TSHZ2: variants seen among roughly 807,000 people sequenced by gnomAD.
TSHZ2 encodes teashirt homolog 2.
Under a neutral mutation model 74.4 loss-of-function variants are expected in TSHZ2, and 21 were observed. The observed-to-expected ratio is 0.28, with a 90% CI of 0.20 to 0.41. The LOEUF is 0.41. Among genes scored for constraint, TSHZ2 ranks in the 10% least tolerant of loss-of-function variants. The probability of loss-of-function intolerance (pLI) is 1.00; values close to 1 mark genes in which losing one functional copy is unlikely to be tolerated. For missense variants in TSHZ2, 1,244 were observed against 1,293.5 expected (o/e 0.96, Z 0.59); for synonymous variants, 540 against 515.3 (o/e 1.05, Z -0.65).
At chr20:53,114,111 A>G (rs1002453120) in intron 1 of TSHZ2, among the ~76,000 whole-genome samples, 12 of 150,770 alleles carry the variant, frequency 8.0e-5, no homozygotes, top group Non-Finnish European at 1.6e-4. Flanking sequence ...AAAAAAAAAA[A>G]GAAAGAAAAA....
chr20:52,997,553 T>C (rs1221962024), intron 1 of TSHZ2, among the ~76,000 whole-genome samples: 3 of 151,116 alleles, frequency 2.0e-5, no homozygotes, highest in African/African-American at 4.9e-5. Flanking sequence ...TATTTTCTTT[T>C]CAGCAAACCT....
At chr20:53,445,472 C>T (rs1984512667) in intron 2 of TSHZ2, among the ~76,000 whole-genome samples, 1 of 152,180 alleles carries the variant, frequency 6.6e-6, no homozygotes, top group African/African-American at 2.4e-5. Flanking sequence ...ACCGGAATGC[C>T]ATACAGTGAG....
At chr20:53,358,460 C>A (rs552463401) in intron 2 of TSHZ2, among the ~76,000 whole-genome samples, 1 of 151,414 alleles carries the variant, frequency 6.6e-6, no homozygotes, top group East Asian at 1.9e-4. Flanking sequence ...CGTGCCTCAG[C>A]CTCCCCAGTA....
intron 1 of TSHZ2, among the ~76,000 whole-genome samples, chr20:53,179,993 G>GT (rs1439407041): frequency 6.6e-6 from 1 of 152,188 alleles, no homozygotes; most frequent in African/African-American, 2.4e-5. Context: ...CCTTCTGAAA[G>GT]GAAAATACGC....
At chr20:53,232,609 A>G (rs1600756831) in intron 1 of TSHZ2, among the ~76,000 whole-genome samples, 2 of 152,220 alleles carry the variant, frequency 1.3e-5, no homozygotes, top group South Asian at 4.1e-4. Flanking sequence ...CCTCTTCATA[A>G]TCATAATAAT....
At chr20:53,289,792 A>T (rs1991246558) in intron 2 of TSHZ2, among the ~76,000 whole-genome samples, 1 of 152,254 alleles carries the variant, frequency 6.6e-6, no homozygotes, top group South Asian at 2.1e-4. Flanking sequence ...GCAATTAGCT[A>T]AGTCATAAAA....
intron 1 of TSHZ2, among the ~76,000 whole-genome samples, chr20:53,052,974 T>C (rs904145989): frequency 2.0e-5 from 3 of 152,208 alleles, no homozygotes; most frequent in African/African-American, 2.4e-5. Flanking sequence ...CGTCGCGGTA[T>C]CTAATTTAGA....
At chr20:53,348,386 CT>C (rs1416592889) in intron 2 of TSHZ2, among the ~76,000 whole-genome samples, 2 of 152,146 alleles carry the variant, frequency 1.3e-5, no homozygotes, top group African/African-American at 4.8e-5. Flanking sequence ...AAAATACTGC[CT>C]GGCATGTAGT....
rs1987302339 is a variant in TSHZ2, at chr20:53,138,381, T to A, written c.41-115118T>A. ...CCTGGACGACAGAGCAAGACTCTTG[T>A]CTCAAAAAAGAAAAAAAAAAAAAAA... On this transcript the variant is annotated intron_variant, in intron 1 of 2. Coordinates refer to ENST00000371497, the MANE Select transcript of TSHZ2 (RefSeq NM_173485.6). Among the ~76,000 whole-genome samples the A allele has an allele frequency of 2.7e-5, 4 of 147,214 alleles. No homozygotes were observed. In the South Asian group the frequency reaches 8.7e-4, roughly 32 times the overall value.
At position 52,972,986 on chromosome 20, in the gene TSHZ2, C is replaced by G. The variant is rs1186407811; in HGVS notation, c.-308C>G. 3.8e-5 allele frequency: 14 copies of G among 364,010 alleles called. No homozygotes were observed. The highest frequency in any genetic ancestry group is 2.8e-4 in the African/African-American group (13 of 47,002). The allele number at this position is 364,010 out of a possible 1,614,324, so 22.5% of individuals were successfully genotyped here. ...CCGCAAAAACAAAACCAAAAAAATT[C>G]CAAAAGCAAAAACAAAAAAGAGAGA... On this transcript the variant is annotated 5_prime_UTR_variant, in exon 1 of 3. Coordinates refer to ENST00000371497, the MANE Select transcript of TSHZ2 (RefSeq NM_173485.6).
intron 2 of TSHZ2, among the ~76,000 whole-genome samples, chr20:53,314,437 C>T (rs1002019245): frequency 5.9e-5 from 9 of 152,040 alleles, no homozygotes; most frequent in African/African-American, 1.7e-4. Context: ...ATTCAGGCAA[C>T]ATTCTGAAAC....
intron 2 of TSHZ2, among the ~76,000 whole-genome samples, chr20:53,478,668 A>G (rs1362270437): frequency 6.6e-6 from 1 of 150,690 alleles, no homozygotes; most frequent in African/African-American, 2.4e-5. Flanking sequence ...AAAAATAAAT[A>G]AAAAATAAAA....
At chr20:53,418,641 C>A (rs1440164437) in intron 2 of TSHZ2, among the ~76,000 whole-genome samples, 2 of 152,108 alleles carry the variant, frequency 1.3e-5, no homozygotes, top group Non-Finnish European at 2.9e-5. Context: ...ATTACCACCC[C>A]CCAGGTCCTT....
intron 2 of TSHZ2, among the ~76,000 whole-genome samples, chr20:53,471,307 T>A (rs575651763): frequency 2.6e-5 from 4 of 152,308 alleles, no homozygotes; most frequent in African/African-American, 9.6e-5. Context: ...ATTAGTGTCT[T>A]TAGAACTCCA....
At position 52,972,748 on chromosome 20, in the gene TSHZ2, T is replaced by TGGA. The variant is rs1305728249; in HGVS notation, c.-528_-526dup. On this transcript the variant is annotated 5_prime_UTR_variant, in exon 1 of 3. Coordinates refer to ENST00000371497, the MANE Select transcript of TSHZ2 (RefSeq NM_173485.6). ...AAGAAGGAGGAGGTGGAGGAGGAGG[T>TGGA]GGAGGAGGAGGAGGAGGAGGGAAAG... The TGGA allele has an allele frequency of 0.012, 1,438 of 117,828 alleles. 15 individuals are homozygous for TGGA. Among genetic ancestry groups the TGGA allele is most frequent in the Non-Finnish European group, 0.018 (1,021 of 57,254 alleles). 7.3% of individuals were successfully genotyped at this position (117,828 alleles called of 1,614,324 possible).
chr20:53,454,198 C>A (rs1984949312), intron 2 of TSHZ2, among the ~76,000 whole-genome samples: 1 of 152,120 alleles, frequency 6.6e-6, no homozygotes, highest in Non-Finnish European at 1.5e-5. Flanking sequence ...TTTCTTTAGG[C>A]CACAAAACTG....
intron 2 of TSHZ2, among the ~76,000 whole-genome samples, chr20:53,461,303 C>T (rs886324328): frequency 6.6e-6 from 1 of 152,246 alleles, no homozygotes; most frequent in African/African-American, 2.4e-5. Context: ...GACCCGATTT[C>T]CAGGTGCGTC....
chr20:52,978,908 T>A (rs1156429073), intron 1 of TSHZ2, among the ~76,000 whole-genome samples: 1 of 152,208 alleles, frequency 6.6e-6, no homozygotes, highest in Non-Finnish European at 1.5e-5. Context: ...TACCCCAGAA[T>A]AGGTTTTTAC....
In TSHZ2 at chr20:53,324,713, A is replaced by G. The variant is rs549111138; in HGVS notation, c.*8+68142A>G. Among the ~76,000 whole-genome samples, 14 of 152,294 alleles carry G rather than the reference A, an allele frequency of 9.2e-5. No individual in the cohort carries two copies. In the East Asian group the frequency reaches 2.7e-3, roughly 29 times the overall value. On this transcript the variant is annotated intron_variant, in intron 2 of 2. Transcript: ENST00000371497. ...CCTCCGTGAAGACCTTGCTGACCTC[A>G]GGAAGAGCTAGTAGCTCTTTCTCCT...
Sources: gnomAD v4.1 joint callset for allele counts (sites outside exome capture counted in the v4.1 genomes callset) on GRCh38, gnomAD v4.1.1 for gene constraint, MANE v1.5 for transcripts, NCBI Gene and HGNC (gene_info 2026-07-23, HGNC 2026-07-21) for gene names.